Variants in FAM200B observed in about 807,000 individuals in gnomAD.
FAM200B encodes zinc finger BED-type containing 11.
In FAM200B, 32 loss-of-function variants were observed where a neutral mutation model predicts 33.1. The ratio of observed to expected loss-of-function variants is 0.97; its 90% CI spans 0.73 to 1.30. The LOEUF is 1.30. FAM200B is among the 50% of genes most tolerant of loss of function. The pLI is 0.00. For synonymous variants in FAM200B, 240 were observed against 264.8 expected (o/e 0.91, Z 0.91); for missense variants, 741 against 754.0 (o/e 0.98, Z 0.20).
the FAM200B span, among the ~76,000 whole-genome samples, chr4:15,668,467 T>TTTTGTACTTGGTTTTTGTATTGTTC: frequency 6.6e-6 from 1 of 152,156 alleles, no homozygotes; most frequent in African/African-American, 2.4e-5. Flanking sequence ...TTTTATTTTT[T>TTTTGTACTTGGTTTTTGTATTGTTC]TTTGTACTTG....
chr4:15,682,283 TTAAG>T (rs2148848881), intron 1 of FAM200B, among the ~76,000 whole-genome samples: 1 of 152,316 alleles, frequency 6.6e-6, no homozygotes, highest in Non-Finnish European at 1.5e-5. Context: ...GAAGGTAATT[TTAAG>T]TTAGTGGCAG....
the FAM200B span, among the ~76,000 whole-genome samples, chr4:15,637,701 A>G: frequency 6.6e-6 from 1 of 152,194 alleles, no homozygotes; most frequent in East Asian, 1.9e-4. Context: ...AGTAAGGCAT[A>G]TAAGCTTTAC....
At position 15,687,233 on chromosome 4, in the gene FAM200B, T is replaced by C; in HGVS notation, c.256T>C (p.Cys86Arg). The stretch of plus-strand genomic sequence containing the variant: ...ACCCTTTGAAAATGACAGACCTCAG[T>C]GTGTTATTTGTAATAATATTCTTGC... ...EKPFENDRPQ[C>R]VICNNILANE... Residue 86 changes from cysteine to arginine, a missense_variant, in exon 2 of 2, where the codon TGT (cysteine) becomes CGT (arginine). Cys to Arg is a radical substitution (Grantham distance 180). Transcript: ENST00000422728. The C allele has an allele frequency of 6.5e-7, 1 of 1,542,494 alleles. No homozygotes were observed. The highest frequency in any genetic ancestry group is 8.7e-7 in the Non-Finnish European group (1 of 1,143,926).
chr4:15,649,395 C>T, the FAM200B span, among the ~76,000 whole-genome samples: 1 of 151,724 alleles, frequency 6.6e-6, no homozygotes, highest in Admixed American at 6.6e-5. Context: ...ATGGTGAAAC[C>T]CCATCTCTGC....
chr4:15,663,848 C>T, the FAM200B span, among the ~76,000 whole-genome samples: 1 of 152,190 alleles, frequency 6.6e-6, no homozygotes, highest in Admixed American at 6.5e-5. Context: ...GTATTCTCAT[C>T]TCATTTTCAT....
chr4:15,662,753 C>T, the FAM200B span, among the ~76,000 whole-genome samples: 1 of 152,154 alleles, frequency 6.6e-6, no homozygotes, highest in Non-Finnish European at 1.5e-5. Flanking sequence ...TCCTAGGTAG[C>T]TGATACTATA....
At chr4:15,650,920 G>A in the FAM200B span, among the ~76,000 whole-genome samples, 1 of 151,992 alleles carries the variant, frequency 6.6e-6, no homozygotes, top group African/African-American at 2.4e-5. Flanking sequence ...ATGAGCCACT[G>A]CACCCAACCT....
the FAM200B span, among the ~76,000 whole-genome samples, chr4:15,647,215 T>C: frequency 2.0e-5 from 1 of 50,346 alleles, no homozygotes; most frequent in Non-Finnish European, 3.4e-5. Flanking sequence ...AAAGCAAGAC[T>C]CCATCTCAAA....
At chr4:15,641,830 C>G in the FAM200B span, among the ~76,000 whole-genome samples, 1 of 152,028 alleles carries the variant, frequency 6.6e-6, no homozygotes, top group African/African-American at 2.4e-5. Context: ...AGTTCAAGAC[C>G]AGCCAGCCCA....
At chr4:15,681,116 T>C (rs1718241769), upstream of FAM200B, among the ~76,000 whole-genome samples, 1 of 152,052 alleles carries the variant, frequency 6.6e-6, no homozygotes, top group Admixed American at 6.6e-5. Context: ...ATCTATTTAA[T>C]GAAATGCAGT....
chr4:15,642,011 G>A, the FAM200B span, among the ~76,000 whole-genome samples: 1 of 151,330 alleles, frequency 6.6e-6, no homozygotes, highest in African/African-American at 2.4e-5. Context: ...ATGGGTGACA[G>A]AGCAAGACTC....
chr4:15,683,742 AAT>A (rs1400507826), intron 1 of FAM200B, among the ~76,000 whole-genome samples: 7 of 152,200 alleles, frequency 4.6e-5, no homozygotes, highest in East Asian at 1.9e-4. Context: ...TGTTTTAAAT[AAT>A]ATGTTTTATT....
At chr4:15,644,138 A>G in the FAM200B span, among the ~76,000 whole-genome samples, 1 of 152,210 alleles carries the variant, frequency 6.6e-6, no homozygotes, top group Non-Finnish European at 1.5e-5. Context: ...TGATCCTTCA[A>G]TATGTTACTA....
the FAM200B span, among the ~76,000 whole-genome samples, chr4:15,661,842 C>T: frequency 5.3e-4 from 80 of 152,268 alleles, no homozygotes; most frequent in African/African-American, 1.1e-3. Context: ...TGCGATCATC[C>T]GATGACATAA....
chr4:15,646,759 A>G, the FAM200B span, among the ~76,000 whole-genome samples: 1 of 133,188 alleles, frequency 7.5e-6, no homozygotes, highest in Admixed American at 9.1e-5. Context: ...TGTTGTTCTC[A>G]TTGTTCAATT....
chr4:15,655,374 C>T, the FAM200B span: 2 of 1,101,198 alleles, frequency 1.8e-6, no homozygotes, highest in South Asian at 3.2e-5. Context: ...GGCGCGCCCC[C>T]TTGCGCATGC....
At chr4:15,654,143 A>AAC in the FAM200B span, among the ~76,000 whole-genome samples, 4 of 152,210 alleles carry the variant, frequency 2.6e-5, no homozygotes, top group Non-Finnish European at 5.9e-5. Context: ...CTGAGCTATG[A>AAC]AACACCCCTC....
Position 15,689,046 on chromosome 4 carries a change from T to A in FAM200B, c.*95T>A, listed in dbSNP as rs772487332. ...AAATGGTACTATAATACTGTGATAC[T>A]TTTGTTATGTTTTAATTTTTGTTAT... On this transcript the variant is annotated 3_prime_UTR_variant, in exon 2 of 2. Transcript: ENST00000422728. 2 of 889,682 alleles carry A rather than the reference T, an allele frequency of 2.2e-6. No homozygotes were observed. Among genetic ancestry groups the A allele is most frequent in the Non-Finnish European group, 3.1e-6 (2 of 653,736 alleles). 55.1% of individuals were successfully genotyped at this position (889,682 alleles called of 1,614,324 possible). A position where few individuals can be genotyped will look rare whatever the true frequency, so the allele number is the denominator to read the frequency against.
chr4:15,674,688 C>T, the FAM200B span, among the ~76,000 whole-genome samples: 3 of 149,170 alleles, frequency 2.0e-5, no homozygotes, highest in Middle Eastern at 3.5e-3. Context: ...CTCACTCTGT[C>T]GCCCAGGCTG....
Sources: allele counts gnomAD v4.1 joint callset (sites outside exome capture counted in the v4.1 genomes callset), GRCh38; gene constraint gnomAD v4.1.1; transcripts MANE v1.5; gene names NCBI Gene and HGNC (gene_info 2026-07-23, HGNC 2026-07-21).